The following CNTNAP3B variants were observed in gnomAD, a reference collection of about 807,000 sequenced individuals.
CNTNAP3B encodes contactin-associated protein-like 3B.
A neutral mutation model predicts 108.9 loss-of-function variants in CNTNAP3B; 25 were observed. The ratio of observed to expected loss-of-function variants is 0.23; its 90% CI spans 0.17 to 0.32. The LOEUF (loss-of-function observed/expected upper bound fraction) is 0.32, where lower values mean the gene tolerates loss of function less well. Among genes scored for constraint, CNTNAP3B ranks in the 10% least tolerant of loss-of-function variants. CNTNAP3B has a pLI of 1.00. For missense variants in CNTNAP3B, 252 were observed against 1,210.4 expected, an observed-to-expected ratio of 0.21 and a Z score of 11.75; for synonymous variants, 103 against 473.4, an observed-to-expected ratio of 0.22 and a Z score of 10.16.
chr9:41,925,059 G>A (rs1305061700), intron 15 of CNTNAP3B, among the ~76,000 whole-genome samples: 7 of 152,028 alleles, frequency 4.6e-5, no homozygotes, highest in Non-Finnish European at 8.8e-5. Context: ...CAACTGCCTT[G>A]TAAAGTGGCA....
At position 42,124,910 on chromosome 9, in the gene CNTNAP3B, T is replaced by C. The variant is rs1453289626; in HGVS notation, c.85+4100A>G. The stretch of plus-strand genomic sequence containing the variant: ...TTATTTTTAATCTACATCTCTTAGG[T>C]AAAATGCATCAATTTAACTACACTT... On this transcript the variant is annotated intron_variant, in intron 1 of 23. Coordinates refer to ENST00000377561, the MANE Select transcript of CNTNAP3B (RefSeq NM_001201380.3). Among the ~76,000 whole-genome samples, 9 of 139,064 alleles carry C rather than the reference T, an allele frequency of 6.5e-5. 1 individual carries two copies. Among genetic ancestry groups the C allele is most frequent in the Admixed American group, 7.2e-5 (1 of 13,938 alleles). The allele number at this position is 139,064 out of a possible 152,430, so 91.2% of individuals were successfully genotyped here.
rs1417751277 is a variant in CNTNAP3B, at chr9:42,107,077, A to G, written c.86-2338T>C. Among the ~76,000 whole-genome samples the G allele has an allele frequency of 4.4e-5, 4 of 90,562 alleles. 1 individual carries two copies. Among genetic ancestry groups the G allele is most frequent in the Non-Finnish European group, 9.1e-5 (4 of 43,786 alleles). The allele number at this position is 90,562 out of a possible 152,430, so 59.4% of individuals were successfully genotyped here. ...GGATTCCTGCAGTATCATGCGATAC[A>G]TGAAACAGCACTGGGCATTTCACGT... On this transcript the variant is annotated intron_variant, in intron 1 of 23. Transcript: ENST00000377561.
chr9:42,076,823 AT>A lies in CNTNAP3B; in HGVS notation c.390+45del, dbSNP rs1168995153. On this transcript the variant is annotated intron_variant, in intron 3 of 23. Coordinates refer to ENST00000377561, the MANE Select transcript of CNTNAP3B (RefSeq NM_001201380.3). ...TAATTCTTAAAATTCTGTTTTTCTA[AT>A]AGGTTTGCAGCAATAGGTAGCAATT... 3 of 1,510,730 alleles carry A rather than the reference AT, an allele frequency of 2.0e-6. 1 individual carries two copies. Among genetic ancestry groups the A allele is most frequent in the Non-Finnish European group, 2.7e-6 (3 of 1,126,726 alleles). The allele number at this position is 1,510,730 out of a possible 1,614,324, so 93.6% of individuals were successfully genotyped here.
At chr9:41,937,430 GT>G (rs1181646614) in intron 14 of CNTNAP3B, among the ~76,000 whole-genome samples, 1,106 of 149,986 alleles carry the variant, frequency 7.4e-3, no homozygotes, top group African/African-American at 0.025. Flanking sequence ...CCTGGCCTAA[GT>G]TTTTTTTTAA....
At chr9:42,117,118 A>G (rs1351929355) in intron 1 of CNTNAP3B, among the ~76,000 whole-genome samples, 1 of 138,252 alleles carries the variant, frequency 7.2e-6, no homozygotes, top group Non-Finnish European at 1.5e-5. Flanking sequence ...CAGATCAACA[A>G]GACAGAAAGT....
At chr9:42,103,233 C>T (rs1218454964) in intron 2 of CNTNAP3B, among the ~76,000 whole-genome samples, 1 of 144,454 alleles carries the variant, frequency 6.9e-6, no homozygotes, top group African/African-American at 2.8e-5. Context: ...GAAACAGAGC[C>T]CATATCTCTG....
At chr9:41,995,579 CA>C (rs1237578851) in intron 7 of CNTNAP3B, among the ~76,000 whole-genome samples, 10 of 131,630 alleles carry the variant, frequency 7.6e-5, no homozygotes, top group Non-Finnish European at 1.6e-4. Flanking sequence ...ACTAAAAATA[CA>C]AAAAGCCGGG....
At chr9:41,955,775 C>G (rs1564157374) in intron 12 of CNTNAP3B, among the ~76,000 whole-genome samples, 3 of 152,420 alleles carry the variant, frequency 2.0e-5, no homozygotes, top group Non-Finnish European at 4.4e-5. Context: ...CTGTTCCACT[C>G]CTGTTGCTCA....
chr9:41,916,984 C>T (rs1483823463), intron 18 of CNTNAP3B, among the ~76,000 whole-genome samples: 1 of 151,228 alleles, frequency 6.6e-6, no homozygotes, highest in Non-Finnish European at 1.5e-5. Flanking sequence ...TTGACTTTGG[C>T]TTTCAAAGTT....
rs1372963581 is a variant in CNTNAP3B at position 41,973,994 on chromosome 9, G to A, written c.1478-3749C>T. Among the ~76,000 whole-genome samples, 20 of 132,178 alleles carry A rather than the reference G, an allele frequency of 1.5e-4. 5 individuals carry two copies. Among genetic ancestry groups the A allele is most frequent in the East Asian group, 4.7e-4 (2 of 4,288 alleles). The allele number at this position is 132,178 out of a possible 152,430, so 86.7% of individuals were successfully genotyped here. On this transcript the variant is annotated intron_variant, in intron 9 of 23. Coordinates refer to ENST00000377561, the MANE Select transcript of CNTNAP3B (RefSeq NM_001201380.3). ...CCAGTAGCTGGGACTACAGGCTCCCGCCACCATGCCCAGCTAATCTTTGTA... is the reference window on the plus strand; with the variant it reads ...CCAGTAGCTGGGACTACAGGCTCCCACCACCATGCCCAGCTAATCTTTGTA...
intron 9 of CNTNAP3B, 78 bp from the exon 10 acceptor site, chr9:41,970,323 G>C: frequency 3.7e-6 from 1 of 266,772 alleles, no homozygotes; most frequent in Non-Finnish European, 6.1e-6. Context: ...TATGAAGACT[G>C]CTGCTCCCGC....
intron 3 of CNTNAP3B, among the ~76,000 whole-genome samples, chr9:42,041,713 T>A (rs1826760911): frequency 7.1e-6 from 1 of 140,090 alleles, no homozygotes; most frequent in Non-Finnish European, 1.5e-5. Context: ...AGAAATACCA[T>A]TTGACCCAGT....
chr9:42,030,122 C>T (rs1271412204), intron 3 of CNTNAP3B, among the ~76,000 whole-genome samples: 10 of 79,498 alleles, frequency 1.3e-4, no homozygotes, highest in East Asian at 4.2e-4. Flanking sequence ...CCAGCCTGGG[C>T]GACAGAGCGA....
intron 13 of CNTNAP3B, among the ~76,000 whole-genome samples, chr9:41,943,376 G>A (rs1419752068): frequency 2.3e-4 from 28 of 121,990 alleles, no homozygotes; most frequent in African/African-American, 7.6e-4. Flanking sequence ...TTTTTGAGAT[G>A]GAGTCTCTCT....
intron 2 of CNTNAP3B, among the ~76,000 whole-genome samples, chr9:42,103,674 G>T (rs1400271458): frequency 3.2e-5 from 3 of 94,822 alleles, no homozygotes; most frequent in Non-Finnish European, 6.6e-5. Context: ...GGCAGAGCTT[G>T]CAGTGAGCTG....
intron 1 of CNTNAP3B, among the ~76,000 whole-genome samples, chr9:42,111,093 G>A (rs531979823): frequency 1.4e-5 from 2 of 138,620 alleles, no homozygotes; most frequent in South Asian, 4.7e-4. Context: ...GCCAGCACAG[G>A]GACAAGCCTC....
In CNTNAP3B at chr9:41,994,709, C is replaced by A. The variant is rs954242593; in HGVS notation, c.1071+1496G>T. 55 of 347,920 alleles carry A rather than the reference C, an allele frequency of 1.6e-4. 4 individuals carry two copies. The African/African-American group carries it at 3.9e-3, about 25-fold the overall frequency. 21.6% of individuals were successfully genotyped at this position (347,920 alleles called of 1,614,324 possible). A position where few individuals can be genotyped will look rare whatever the true frequency, so the allele number is the denominator to read the frequency against. ...CTCATGCTAACCTAAGTGATGTATTCATTGTGTGGTCTGGTGACACACAGT... is the reference window on the plus strand; with the variant it reads ...CTCATGCTAACCTAAGTGATGTATTAATTGTGTGGTCTGGTGACACACAGT... On this transcript the variant is annotated intron_variant, in intron 7 of 23. Coordinates refer to ENST00000377561, the MANE Select transcript of CNTNAP3B (RefSeq NM_001201380.3).
At chr9:42,078,486 A>G (rs76314225) in intron 2 of CNTNAP3B, among the ~76,000 whole-genome samples, 3,588 of 92,506 alleles carry the variant, frequency 0.039, 3 homozygotes, top group East Asian at 0.14. Flanking sequence ...CATATATATA[A>G]ATATAATTTT....
chr9:42,075,836 C>CTTATTATTATTA (rs201491733), intron 3 of CNTNAP3B, among the ~76,000 whole-genome samples: 5 of 63,748 alleles, frequency 7.8e-5, no homozygotes, highest in Non-Finnish European at 1.4e-4. Context: ...GTAATAAATA[C>CTTATTATTATTA]TTATTATTAT....
Sources: gnomAD v4.1 joint callset for allele counts (sites outside exome capture counted in the v4.1 genomes callset) on GRCh38, gnomAD v4.1.1 for gene constraint, MANE v1.5 for transcripts, NCBI Gene and HGNC (gene_info 2026-07-23, HGNC 2026-07-21) for gene names.